PNKD: variants seen among roughly 807,000 people sequenced by gnomAD.
PNKD encodes the protein probable thioesterase PNKD.
Under a neutral mutation model 45.3 loss-of-function variants are expected in PNKD, and 36 were observed. That is an observed-to-expected ratio of 0.80 (90% CI 0.61 to 1.05). The LOEUF (loss-of-function observed/expected upper bound fraction) is 1.05. Among genes scored for constraint, PNKD ranks in the 50% least tolerant of loss-of-function variants. The pLI is 0.00. For missense variants in PNKD, 511 were observed against 506.6 expected, an observed-to-expected ratio of 1.01 and a Z score of -0.08; for synonymous variants, 197 against 210.1, an observed-to-expected ratio of 0.94 and a Z score of 0.54.
rs568061770 is a variant in PNKD, at chr2:218,346,129, C to G, written c.*1148C>G. The G allele has an allele frequency of 6.6e-6, 1 of 152,442 alleles. No individual in the cohort carries two copies. The highest frequency in any genetic ancestry group is 1.5e-5 in the Non-Finnish European group (1 of 68,134). 9.4% of individuals were successfully genotyped at this position (152,442 alleles called of 1,614,324 possible). On this transcript the variant is annotated 3_prime_UTR_variant, in exon 10 of 10. Transcript: ENST00000273077. ...GCTCTGGGTCCCAGACCTGGCCCGA[C>G]CCCTCTGCTTCACCTCCAGCTCTGC...
chr2:218,338,983 C>A (rs1694586906), intron 2 of PNKD, among the ~76,000 whole-genome samples: 2 of 149,618 alleles, frequency 1.3e-5, no homozygotes, highest in South Asian at 4.2e-4. Context: ...TGTGTAGAGA[C>A]CCTATAGGGC....
chr2:218,307,090 A>G (rs921969), intron 2 of PNKD, among the ~76,000 whole-genome samples: 148,439 of 152,200 alleles, frequency 0.98, 72,459 homozygotes, highest in East Asian at 1. Context: ...CCAAGTTGGC[A>G]GACCTGAAGG....
rs1243303171 is a variant in PNKD, at chr2:218,341,560, T to C, written c.551T>C (p.Leu184Pro). The stretch of plus-strand genomic sequence containing the variant: ...GACCACAGTGGAGGGAACCGTGACC[T>C]CAGCCGGCGGCACCGGGACTGTCGG... ...HWDHSGGNRDLSRRHRDCRVY... is the reference protein window; with the variant it reads ...HWDHSGGNRDPSRRHRDCRVY... The change falls in exon 6 of 10, where the codon CTC (leucine) becomes CCC (proline). Residue 184 changes from leucine to proline, a missense_variant. Coordinates refer to ENST00000273077, the MANE Select transcript of PNKD (RefSeq NM_015488.5). 16 of 1,602,414 alleles carry C rather than the reference T, an allele frequency of 1.0e-5. No homozygotes were observed. The highest frequency in any genetic ancestry group is 1.4e-5 in the Non-Finnish European group (16 of 1,174,874).
At chr2:218,315,457 A>G (rs760247589) in intron 2 of PNKD, among the ~76,000 whole-genome samples, 7 of 152,140 alleles carry the variant, frequency 4.6e-5, no homozygotes, top group Non-Finnish European at 8.8e-5. Flanking sequence ...GCGCCCGGCC[A>G]AGGATTTAAA....
intron 7 of PNKD, among the ~76,000 whole-genome samples, chr2:218,342,400 C>CA (rs1165026789): frequency 6.6e-6 from 1 of 151,950 alleles, no homozygotes; most frequent in Non-Finnish European, 1.5e-5. Flanking sequence ...ACTGTCTCTA[C>CA]AAAAAAATTT....
At chr2:218,289,060 A>G (rs1269796494) in intron 2 of PNKD, among the ~76,000 whole-genome samples, 2 of 152,268 alleles carry the variant, frequency 1.3e-5, no homozygotes, top group African/African-American at 2.4e-5. Context: ...CTTTGCTTTT[A>G]TATCAGGCAG....
intron 2 of PNKD, chr2:218,323,420 C>T (rs781228549): frequency 6.4e-7 from 1 of 1,567,570 alleles, no homozygotes. Context: ...AGCGGCTGCT[C>T]TTCCGAATCG....
chr2:218,340,192 G>C lies in PNKD; in HGVS notation c.465+51G>C. 4 of 1,162,452 alleles carry C rather than the reference G, an allele frequency of 3.4e-6. No homozygotes were observed. The highest frequency in any genetic ancestry group is 5.2e-6 in the Non-Finnish European group (4 of 773,440). 72.0% of individuals were successfully genotyped at this position (1,162,452 alleles called of 1,614,324 possible). ...GTGCCTGGAGTCACCTTGGGGACTGGCAGTTTCGCCTTGCTAGAGAGGGCT... is the reference window on the plus strand; with the variant it reads ...GTGCCTGGAGTCACCTTGGGGACTGCCAGTTTCGCCTTGCTAGAGAGGGCT... On this transcript the variant is annotated intron_variant, in intron 4 of 9. Transcript: ENST00000273077. This position sits in a 1 kb window ranked among gnomAD's most constrained non-coding sequence, Gnocchi z 4.2.
Position 218,342,395 on chromosome 2 carries a change from C to G in PNKD, c.781+251C>G, listed in dbSNP as rs193052071. ...AGACTGGGCAAAATAGCAAGACTGT[C>G]TCTACAAAAAAATTTTAAAATAGGC... On this transcript the variant is annotated intron_variant, in intron 7 of 9. Transcript: ENST00000273077. Among the ~76,000 whole-genome samples, 35 of 152,056 alleles carry G rather than the reference C, an allele frequency of 2.3e-4. 1 individual carries two copies. The East Asian group carries it at 6.4e-3, about 28-fold the overall frequency.
chr2:218,281,885 C>T (rs916667267), intron 2 of PNKD: 3 of 1,450,800 alleles, frequency 2.1e-6, no homozygotes, highest in Non-Finnish European at 2.8e-6. Context: ...GTGGCCTCAT[C>T]TGCTCCAAGT....
rs866724176 is a variant in PNKD at position 218,340,543 on chromosome 2, C to T, written c.466-185C>T. Among the ~76,000 whole-genome samples, 1 of 152,098 alleles carries T rather than the reference C, an allele frequency of 6.6e-6. No individual in the cohort carries two copies. The highest frequency in any genetic ancestry group is 6.5e-5 in the Admixed American group (1 of 15,270). On this transcript the variant is annotated intron_variant, in intron 4 of 9. Transcript: ENST00000273077. This position sits in a 1 kb window ranked among gnomAD's most constrained non-coding sequence, Gnocchi z 4.2. ...TGCCTCTCTCTATGTACAAGTGTCC[C>T]TCTGCCTCCATGTGCCCCGTGCTTC... is the stretch of plus-strand genomic sequence containing the variant.
intron 2 of PNKD, among the ~76,000 whole-genome samples, chr2:218,335,422 G>C (rs139315073): frequency 1.3e-5 from 2 of 151,642 alleles, no homozygotes; most frequent in Non-Finnish European, 2.9e-5. Context: ...TGGAGGTTGC[G>C]GTGAGCCAAG....
chr2:218,280,052 T>G (rs1691715960), intron 2 of PNKD: 1 of 1,614,150 alleles, frequency 6.2e-7, no homozygotes, highest in Admixed American at 1.7e-5. Context: ...TGTCGCACTT[T>G]CCGGTCATCC....
At chr2:218,296,116 G>A (rs999309864) in intron 2 of PNKD, among the ~76,000 whole-genome samples, 1 of 152,092 alleles carries the variant, frequency 6.6e-6, no homozygotes, top group Non-Finnish European at 1.5e-5. Context: ...CCAAAGTGCT[G>A]GGACTACAGG....
chr2:218,318,774 C>T (rs1303531830), intron 2 of PNKD, among the ~76,000 whole-genome samples: 1 of 152,064 alleles, frequency 6.6e-6, no homozygotes, highest in African/African-American at 2.4e-5. Context: ...CACAAAATAA[C>T]ATCACATTGT....
chr2:218,279,700 G>A (rs1010744505), intron 2 of PNKD, among the ~76,000 whole-genome samples: 1 of 152,210 alleles, frequency 6.6e-6, no homozygotes, highest in Non-Finnish European at 1.5e-5. Context: ...CAAGCGAGTA[G>A]GATCATTTCT....
chr2:218,307,453 C>T (rs1055245689), intron 2 of PNKD, among the ~76,000 whole-genome samples: 1 of 152,150 alleles, frequency 6.6e-6, no homozygotes, highest in African/African-American at 2.4e-5. Flanking sequence ...ATTAGATTCT[C>T]ATAAGGAGCA....
At chr2:218,273,124 C>T (rs933448329) in intron 2 of PNKD, among the ~76,000 whole-genome samples, 8 of 152,120 alleles carry the variant, frequency 5.3e-5, no homozygotes, top group Non-Finnish European at 1.0e-4. Flanking sequence ...TCAGAGCTGC[C>T]GGCCAGGAGG....
intron 2 of PNKD, chr2:218,275,911 T>C: frequency 8.1e-7 from 1 of 1,234,302 alleles, no homozygotes; most frequent in South Asian, 1.4e-5. Context: ...GTGAGAGGAA[T>C]GGCCTGCTAT....
Sources: gnomAD v4.1 joint callset for allele counts (sites outside exome capture counted in the v4.1 genomes callset) on GRCh38, gnomAD v4.1.1 for gene constraint, Gnocchi (gnomAD v3.1) non-coding constraint, MANE v1.5 for transcripts, NCBI Gene and HGNC (gene_info 2026-07-23, HGNC 2026-07-21) for gene names.